The following TPSG1 variants were observed in gnomAD, a reference collection of about 807,000 sequenced individuals.
TPSG1 encodes the protein tryptase gamma.
In TPSG1, 43 loss-of-function variants were observed where a neutral mutation model predicts 23.8. The observed-to-expected ratio is 1.81, with a 90% CI of 1.42 to 2.33. TPSG1 has a LOEUF of 2.33. Among genes scored for constraint, TPSG1 ranks in the 30% most tolerant of loss-of-function variants. The probability of loss-of-function intolerance (pLI) is 0.00; values close to 1 mark genes in which losing one functional copy is unlikely to be tolerated. For missense variants in TPSG1, 623 were observed against 438.6 expected (o/e 1.42, Z -3.75); for synonymous variants, 302 against 201.3 (o/e 1.50, Z -4.23).
rs2029955793 is a variant in TPSG1 at position 1,223,510 on chromosome 16, G to C, written c.158C>G (p.Ala53Gly). 3.8e-6 allele frequency: 6 copies of C among 1,562,096 alleles called. No individual in the cohort carries two copies. The highest frequency in any genetic ancestry group is 5.2e-6 in the Non-Finnish European group (6 of 1,156,270). Residue 53 changes from alanine to glycine, a missense_variant, in exon 3 of 6, where the codon GCC becomes GGC. By Grantham distance (60) the Ala-to-Gly change is moderately conservative. Transcript: ENST00000234798. ...GTGCACCCTCCGCAGGCGGAGGCTG[G>C]CCTGCCATGGCCATGCGCCGGCCGG... is the stretch of plus-strand genomic sequence containing the variant. Reference protein sequence around the residue: ...AAPAGAWPWQASLRLRRVHVC... With the variant: ...AAPAGAWPWQGSLRLRRVHVC...
Position 1,221,938 on chromosome 16 carries a change from T to A in TPSG1, c.816A>T (p.Ser272=). 1 of 1,611,756 alleles carries A rather than the reference T, an allele frequency of 6.2e-7. No individual in the cohort carries two copies. Among genetic ancestry groups the A allele is most frequent in the Non-Finnish European group, 8.5e-7 (1 of 1,179,226 alleles). The change falls in exon 6 of 6, where the codon TCA becomes TCT. Residue 272 remains serine (S), a synonymous_variant. Coordinates refer to ENST00000234798, the MANE Select transcript of TPSG1 (RefSeq NM_012467.4). ...TGGGGTACCCAGACTCTGAGCCCCC[T>A]GATGCTGTGATGTGGCGGCGGATCC... ...VNWIRRHITA[S]GGSESGYPRL... is the part of the protein sequence containing the mutation.
intron 1 of TPSG1, 86 bp from the exon 2 acceptor site, chr16:1,224,714 G>T: frequency 6.4e-7 from 1 of 1,573,850 alleles, no homozygotes; most frequent in Non-Finnish European, 8.7e-7. Context: ...CAGGCCTCAG[G>T]GCGGCACTGG....
chr16:1,222,428 C>G, intron 4 of TPSG1, 87 bp from the exon 5 acceptor site: 1 of 1,311,844 alleles, frequency 7.6e-7, no homozygotes, highest in African/African-American at 1.5e-5. Flanking sequence ...ACACAAGTCC[C>G]ATGCCACCAC....
intron 3 of TPSG1, 94 bp downstream of exon 3, chr16:1,223,329 G>A (rs928977085): frequency 1.4e-5 from 19 of 1,396,524 alleles, no homozygotes; most frequent in African/African-American, 5.9e-5. Context: ...CCCAAGCCTC[G>A]GAGTGAGTCA....
Position 1,222,297 on chromosome 16 carries a change from C to A in TPSG1, c.556G>T (p.Val186Leu), listed in dbSNP as rs371535092. ...CGGCGGCAGGTCTCTGTGTCCACCACGGAGACTTTCACCTCCCGCAGGCTG... is the reference window on the plus strand; with the variant it reads ...CGGCGGCAGGTCTCTGTGTCCACCAAGGAGACTTTCACCTCCCGCAGGCTG... ...PYSLREVKVSVVDTETCRRDY... is the reference protein window; with the variant it reads ...PYSLREVKVSLVDTETCRRDY... Residue 186 changes from valine to leucine, a missense_variant, in exon 5 of 6, where the codon GTG becomes TTG. Physicochemically the swap from Val to Leu is conservative, Grantham distance 32. Coordinates refer to ENST00000234798, the MANE Select transcript of TPSG1 (RefSeq NM_012467.4). 6.2e-7 allele frequency: 1 copy of A among 1,610,780 alleles called. No homozygotes were observed. The highest frequency in any genetic ancestry group is 1.1e-5 in the South Asian group (1 of 90,936).
chr16:1,222,279 A>G lies in TPSG1; in HGVS notation c.574T>C (p.Cys192Arg), dbSNP rs527857802. The G allele has an allele frequency of 2.6e-5, 42 of 1,611,618 alleles. No homozygotes were observed. The African/African-American group carries it at 4.4e-4, about 17-fold the overall frequency. ...VKVSVVDTET[C>R]RRDYPGPGGS... ...CCGGGGCCGGGATAGTCCCGGCGGCAGGTCTCTGTGTCCACCACGGAGACT... is the reference window on the plus strand; with the variant it reads ...CCGGGGCCGGGATAGTCCCGGCGGCGGGTCTCTGTGTCCACCACGGAGACT... The change falls in exon 5 of 6, where the codon TGC becomes CGC. Residue 192 changes from cysteine to arginine, a missense_variant. Transcript: ENST00000234798.
At chr16:1,224,785 C>A in intron 1 of TPSG1, 157 bp from the exon 2 acceptor site, 1 of 869,116 alleles carries the variant, frequency 1.2e-6, no homozygotes, top group Non-Finnish European at 1.8e-6. Context: ...ACTGCTGTCT[C>A]ACTGGCCCAG....
chr16:1,224,686 G>A, intron 1 of TPSG1, 58 bp from the exon 2 acceptor site: 2 of 1,609,752 alleles, frequency 1.2e-6, no homozygotes, highest in Non-Finnish European at 1.7e-6. Flanking sequence ...GGGGTGTGCG[G>A]GCTCCAGAGG....
rs142123929 is a variant in TPSG1 at position 1,225,239 on chromosome 16, G to T, written c.14C>A (p.Ala5Asp). MALGACGLLLLLAVP... is the reference protein window; with the variant it reads MALGDCGLLLLLAVP... ...AGCCAGGAGCAGCAGGAGGCCACAGGCCCCAAGGGCCATGGTGTCTGCCCA... is the reference window on the plus strand; with the variant it reads ...AGCCAGGAGCAGCAGGAGGCCACAGTCCCCAAGGGCCATGGTGTCTGCCCA... Residue 5 changes from alanine (A) to aspartate (D), a missense_variant, in exon 1 of 6, where the codon GCC (alanine) becomes GAC (aspartate). Ala to Asp is a moderately radical substitution (Grantham distance 126). Coordinates refer to ENST00000234798, the MANE Select transcript of TPSG1 (RefSeq NM_012467.4). The T allele has an allele frequency of 6.3e-7, 1 of 1,576,156 alleles. No homozygotes were observed. The highest frequency in any genetic ancestry group is 8.6e-7 in the Non-Finnish European group (1 of 1,161,136).
At position 1,221,659 on chromosome 16, in the gene TPSG1, G is replaced by T; in HGVS notation, c.*129C>A. 1 of 1,026,714 alleles carries T rather than the reference G, an allele frequency of 9.7e-7. No individual in the cohort carries two copies. Among genetic ancestry groups the T allele is most frequent in the Non-Finnish European group, 1.4e-6 (1 of 720,540 alleles). 63.6% of individuals were successfully genotyped at this position (1,026,714 alleles called of 1,614,324 possible). A position where few individuals can be genotyped will look rare whatever the true frequency, so the allele number is the denominator to read the frequency against. On this transcript the variant is annotated 3_prime_UTR_variant, in exon 6 of 6. Coordinates refer to ENST00000234798, the MANE Select transcript of TPSG1 (RefSeq NM_012467.4). ...AGATTCCCATTGACACCTTTGTTTC[G>T]TGTGCTTTTAAATTCAGGTTAAATG...
At chr16:1,223,748 G>A (rs930767999) in intron 2 of TPSG1, 154 bp from the exon 3 acceptor site, 4 of 914,570 alleles carry the variant, frequency 4.4e-6, no homozygotes, top group South Asian at 3.5e-5. Flanking sequence ...AGCATCGTGG[G>A]TGCAGCAGAA....
rs747975016 is a variant in TPSG1, at chr16:1,222,270, C to A, written c.583G>T (p.Asp195Tyr). 6.2e-7 allele frequency: 1 copy of A among 1,611,948 alleles called. No individual in the cohort carries two copies. Among genetic ancestry groups the A allele is most frequent in the South Asian group, 1.1e-5 (1 of 91,026 alleles). ...SVVDTETCRR[D>Y]YPGPGGSILQ... Reference sequence around the variant, plus strand: ...ATGCTGCCCCCGGGGCCGGGATAGTCCCGGCGGCAGGTCTCTGTGTCCACC... The same window carrying A: ...ATGCTGCCCCCGGGGCCGGGATAGTACCGGCGGCAGGTCTCTGTGTCCACC... The change falls in exon 5 of 6, where the codon GAC (aspartate) becomes TAC (tyrosine). Residue 195 changes from aspartate to tyrosine, a missense_variant. Coordinates refer to ENST00000234798, the MANE Select transcript of TPSG1 (RefSeq NM_012467.4).
chr16:1,222,381 C>T (rs771459112), intron 4 of TPSG1, 40 bp from the exon 5 acceptor site: 1 of 1,538,478 alleles, frequency 6.5e-7, no homozygotes, highest in Non-Finnish European at 8.8e-7. Flanking sequence ...GGTTGGGGCA[C>T]CAGGCCCTGC....
At chr16:1,223,784 G>T in intron 2 of TPSG1, 190 bp from the exon 3 acceptor site, 1 of 643,310 alleles carries the variant, frequency 1.6e-6, no homozygotes, top group Non-Finnish European at 2.5e-6. Flanking sequence ...CAGTGAGCGC[G>T]CCTGGGGCTC....
At chr16:1,222,470 G>A in intron 4 of TPSG1, 129 bp from the exon 5 acceptor site, 1 of 1,248,048 alleles carries the variant, frequency 8.0e-7, no homozygotes, top group East Asian at 2.4e-5. Context: ...GTTGTGATCT[G>A]ACGTTTGGCT....
chr16:1,222,324 A>G lies in TPSG1; in HGVS notation c.529T>C (p.Tyr177His), dbSNP rs761172814. 10 of 1,601,920 alleles carry G rather than the reference A, an allele frequency of 6.2e-6. No individual in the cohort carries two copies. The highest frequency in any genetic ancestry group is 7.7e-6 in the Non-Finnish European group (9 of 1,173,310). The change falls in exon 5 of 6, where the codon TAC (tyrosine) becomes CAC (histidine). Residue 177 changes from tyrosine (Y) to histidine (H), a missense_variant. Transcript: ENST00000234798. ...TREGEPLPPP[Y>H]SLREVKVSVV... ...GAGACTTTCACCTCCCGCAGGCTGTACGGGGGTGGCAGAGGCTCTGGGGTG... is the reference window on the plus strand; with the variant it reads ...GAGACTTTCACCTCCCGCAGGCTGTGCGGGGGTGGCAGAGGCTCTGGGGTG...
chr16:1,224,826 C>T (rs34509125), intron 1 of TPSG1, 198 bp from the exon 2 acceptor site: 125,956 of 663,182 alleles, frequency 0.19, 13,393 homozygotes, highest in Non-Finnish European at 0.22. Context: ...AGGCCATAAA[C>T]GGCAGCTGGA....
In TPSG1 at chr16:1,224,633, G is replaced by A; in HGVS notation, c.47-5C>T. 6.2e-7 allele frequency: 1 copy of A among 1,613,778 alleles called. No homozygotes were observed. Among genetic ancestry groups the A allele is most frequent in the South Asian group, 1.1e-5 (1 of 91,082 alleles). ...GCAAAGTCCTGAGGGACACACCTGT[G>A]GGAAAGACGAAGGGCCCAGGATGGA... On this transcript the variant is annotated splice_polypyrimidine_tract_variant and splice_region_variant and intron_variant, in intron 1 of 5. Transcript: ENST00000234798.
At position 1,223,847 on chromosome 16, in the gene TPSG1, G is replaced by A. The variant is rs2029999633; in HGVS notation, c.74-253C>T. 6 of 520,278 alleles carry A rather than the reference G, an allele frequency of 1.2e-5. No individual in the cohort carries two copies. In the South Asian group the frequency reaches 1.6e-4, roughly 14 times the overall value. The allele number at this position is 520,278 out of a possible 1,614,324, so 32.2% of individuals were successfully genotyped here. A position where few individuals can be genotyped will look rare whatever the true frequency, so the allele number is the denominator to read the frequency against. On this transcript the variant is annotated intron_variant, in intron 2 of 5. Coordinates refer to ENST00000234798, the MANE Select transcript of TPSG1 (RefSeq NM_012467.4). ...CACAAACTAACCAGGGCTCCCGGAG[G>A]CGGTGGAAAGGCTGCAGAGGGCCCC...
Sources: allele counts gnomAD v4.1 joint callset, GRCh38; gene constraint gnomAD v4.1.1; transcripts MANE v1.5; gene names NCBI Gene and HGNC (gene_info 2026-07-23, HGNC 2026-07-21).